The following NALF1 variants were observed in gnomAD, a reference collection of about 807,000 sequenced individuals.
NALF1 encodes the protein NALCN channel auxiliary factor 1.
In NALF1, 3 loss-of-function variants were observed where a neutral mutation model predicts 48.4. That is an observed-to-expected ratio of 0.06 (90% CI 0.03 to 0.16). The LOEUF is 0.16. Among genes scored for constraint, NALF1 ranks in the 10% least tolerant of loss-of-function variants. The pLI, the probability that NALF1 is intolerant of heterozygous loss-of-function variation, is 1.00. For synonymous variants in NALF1, 262 were observed against 245.7 expected (o/e 1.07, Z -0.62); for missense variants, 526 against 571.5 (o/e 0.92, Z 0.81).
chr13:107,686,473 C>A (rs1453986688), intron 1 of NALF1, among the ~76,000 whole-genome samples: 1 of 152,072 alleles, frequency 6.6e-6, no homozygotes, highest in Admixed American at 6.6e-5. Context: ...TGGCTCACTG[C>A]AACCTCCACC....
intron 1 of NALF1, among the ~76,000 whole-genome samples, chr13:107,472,375 G>C (rs188408835): frequency 2.2e-4 from 33 of 152,206 alleles, no homozygotes; most frequent in Non-Finnish European, 2.4e-4. Flanking sequence ...CTGGGGCTGT[G>C]ATGGTTAATA....
intron 1 of NALF1, among the ~76,000 whole-genome samples, chr13:107,682,542 C>CG (rs1437698842): frequency 6.6e-6 from 1 of 152,158 alleles, no homozygotes; most frequent in Non-Finnish European, 1.5e-5. Flanking sequence ...ACGAGGCCCC[C>CG]GGGACCTCCC....
In NALF1 at chr13:107,167,842, C is replaced by T. The variant is rs1927767; in HGVS notation, c.*2655G>A. 0.72 allele frequency: 109,579 copies of T among 151,920 alleles called. 39,924 individuals are homozygous for T. The highest frequency in any genetic ancestry group is 0.82 in the African/African-American group (34,108 of 41,450). The allele number at this position is 151,920 out of a possible 1,614,324, so 9.4% of individuals were successfully genotyped here. A position where few individuals can be genotyped will look rare whatever the true frequency, so the allele number is the denominator to read the frequency against. ...TTCCACCTTTTGGTTGGCATTATCT[C>T]CAAACAAACGCTAAAACACGGGTAA... On this transcript the variant is annotated 3_prime_UTR_variant, in exon 3 of 3. Transcript: ENST00000375915.
intron 1 of NALF1, among the ~76,000 whole-genome samples, chr13:107,515,549 G>A: frequency 6.6e-6 from 1 of 152,162 alleles, no homozygotes; most frequent in East Asian, 1.9e-4. Flanking sequence ...TAAACACTGG[G>A]TTTGAAACCA....
At chr13:107,797,785 TA>T (rs34996943) in intron 1 of NALF1, among the ~76,000 whole-genome samples, 129 of 149,210 alleles carry the variant, frequency 8.6e-4, no homozygotes, top group African/African-American at 2.7e-3. Flanking sequence ...AGAATAAAAG[TA>T]AAAAAAAAAA....
chr13:107,854,186 T>C (rs987016172), intron 1 of NALF1, among the ~76,000 whole-genome samples: 2 of 152,230 alleles, frequency 1.3e-5, no homozygotes, highest in Non-Finnish European at 1.5e-5. Context: ...ATTCATCTTT[T>C]CATAAGTGAC....
intron 1 of NALF1, among the ~76,000 whole-genome samples, chr13:107,638,907 G>T (rs895240854): frequency 2.0e-5 from 3 of 152,112 alleles, no homozygotes; most frequent in African/African-American, 7.2e-5. Flanking sequence ...TGTAAGTGGG[G>T]CCAGATCTCG....
chr13:107,488,420 T>A lies in NALF1; in HGVS notation c.916-277665A>T, dbSNP rs1185768546. On this transcript the variant is annotated intron_variant, in intron 1 of 2. Coordinates refer to ENST00000375915, the MANE Select transcript of NALF1 (RefSeq NM_001080396.3). ...TTGATGTGGGCATTAATGCTATACA[T>A]CTCCCCCTTAATACTGTCTTAGTTG... is the stretch of plus-strand genomic sequence containing the variant. Among the ~76,000 whole-genome samples the A allele has an allele frequency of 5.9e-5, 9 of 152,158 alleles. No homozygotes were observed. In the South Asian group the frequency reaches 1.7e-3, roughly 28 times the overall value.
At chr13:107,580,292 T>G (rs1317536287) in intron 1 of NALF1, among the ~76,000 whole-genome samples, 1 of 152,184 alleles carries the variant, frequency 6.6e-6, no homozygotes, top group Non-Finnish European at 1.5e-5. Context: ...CTCTGGGGCC[T>G]TTCTTTTCAA....
At position 107,272,321 on chromosome 13, in the gene NALF1, T is replaced by A. The variant is rs1225889326; in HGVS notation, c.916-61566A>T. 3.9e-5 allele frequency among the ~76,000 whole-genome samples: 2 copies of A among 50,764 alleles called. 1 individual carries two copies. Among genetic ancestry groups the A allele is most frequent in the Non-Finnish European group, 9.3e-5 (2 of 21,512 alleles). The allele number at this position is 50,764 out of a possible 152,430, so 33.3% of individuals were successfully genotyped here. On this transcript the variant is annotated intron_variant, in intron 1 of 2. Transcript: ENST00000375915. ...GCTCCGCTTCCCGGGTTCACGCCAT[T>A]CTCCTGCCTCAGCCTCCCGAGTAGC... is the stretch of plus-strand genomic sequence containing the variant.
rs535403486 is a variant in NALF1, at chr13:107,489,519, G to T, written c.916-278764C>A. Among the ~76,000 whole-genome samples the T allele has an allele frequency of 1.1e-4, 16 of 152,146 alleles. No individual in the cohort carries two copies. The South Asian group carries it at 2.9e-3, about 28-fold the overall frequency. On this transcript the variant is annotated intron_variant, in intron 1 of 2. Transcript: ENST00000375915. ...AAACCAGACAAAAACAAGCAATAGG[G>T]AAAGGATTCCCTATTCAATAAATGA...
At chr13:107,709,641 G>T (rs573715789) in intron 1 of NALF1, among the ~76,000 whole-genome samples, 1 of 152,274 alleles carries the variant, frequency 6.6e-6, no homozygotes, top group South Asian at 2.1e-4. Context: ...TCAGTATCTT[G>T]TGTAATTGAT....
At chr13:107,706,918 C>CT (rs34091754) in intron 1 of NALF1, among the ~76,000 whole-genome samples, 78,520 of 100,954 alleles carry the variant, frequency 0.78, 31,303 homozygotes, top group Non-Finnish European at 0.81. Context: ...CAAGGGCATT[C>CT]TTTTTTTTTT....
intron 1 of NALF1, among the ~76,000 whole-genome samples, chr13:107,822,283 C>T (rs1385071989): frequency 6.6e-6 from 1 of 151,578 alleles, no homozygotes; most frequent in African/African-American, 2.4e-5. Context: ...ATCCCTCCAA[C>T]CCAAGCTGTT....
chr13:107,311,534 A>C (rs1440259654), intron 1 of NALF1, among the ~76,000 whole-genome samples: 1 of 151,052 alleles, frequency 6.6e-6, no homozygotes, highest in Non-Finnish European at 1.5e-5. Context: ...AACTGTATTT[A>C]ATCATTTATT....
At chr13:107,775,144 C>A (rs981235027) in intron 1 of NALF1, among the ~76,000 whole-genome samples, 4 of 152,000 alleles carry the variant, frequency 2.6e-5, no homozygotes. Flanking sequence ...CATGCTGGTG[C>A]GCTGCACCCA....
At chr13:107,852,709 G>T (rs1880348692) in intron 1 of NALF1, among the ~76,000 whole-genome samples, 1 of 152,016 alleles carries the variant, frequency 6.6e-6, no homozygotes, top group Non-Finnish European at 1.5e-5. Context: ...GAAATCAGAA[G>T]AACCAGGTTG....
rs74892724 is a variant in NALF1, at chr13:107,672,853, G to A, written c.915+192829C>T. Among the ~76,000 whole-genome samples, 519 of 152,148 alleles carry A rather than the reference G, an allele frequency of 3.4e-3. 9 individuals carry two copies. Among genetic ancestry groups the A allele is most frequent in the Admixed American group, 9.8e-3 (149 of 15,272 alleles). On this transcript the variant is annotated intron_variant, in intron 1 of 2. Coordinates refer to ENST00000375915, the MANE Select transcript of NALF1 (RefSeq NM_001080396.3). ...CTGTGGACTTTGTTGTCCCCAACAC[G>A]ATGCTCATCAATGTTTGACATCAGT...
intron 1 of NALF1, among the ~76,000 whole-genome samples, chr13:107,337,587 C>A (rs1052058967): frequency 6.6e-6 from 1 of 152,166 alleles, no homozygotes; most frequent in East Asian, 1.9e-4. Context: ...CCACTCAACA[C>A]TCATGTCCTT....
Sources: gnomAD v4.1 joint callset for allele counts (sites outside exome capture counted in the v4.1 genomes callset) on GRCh38, gnomAD v4.1.1 for gene constraint, MANE v1.5 for transcripts, NCBI Gene and HGNC (gene_info 2026-07-23, HGNC 2026-07-21) for gene names.